Variants in TANC1 observed in about 807,000 individuals in gnomAD.
TANC1 encodes the protein protein TANC1.
TANC1 carries 77 observed loss-of-function variants against 149.7 expected under a neutral mutation model. The ratio of observed to expected loss-of-function variants is 0.51; its 90% CI spans 0.43 to 0.62. The LOEUF is 0.62. Among genes scored for constraint, TANC1 ranks in the 20% least tolerant of loss-of-function variants. The probability of loss-of-function intolerance (pLI) is 0.00; values close to 1 mark genes in which losing one functional copy is unlikely to be tolerated. For missense variants in TANC1, 1,985 were observed against 2,321.8 expected (o/e 0.85, Z 2.98); for synonymous variants, 854 against 925.0 (o/e 0.92, Z 1.39).
At chr2:159,043,143 C>G (rs1413343875) in intron 2 of TANC1, among the ~76,000 whole-genome samples, 1 of 152,160 alleles carries the variant, frequency 6.6e-6, no homozygotes, top group Non-Finnish European at 1.5e-5. Flanking sequence ...CTGGGCTTGA[C>G]AGTATGTCCA....
intron 4 of TANC1, among the ~76,000 whole-genome samples, chr2:159,105,866 T>C (rs7568560): frequency 0.17 from 25,674 of 152,138 alleles, 2,290 homozygotes; most frequent in Middle Eastern, 0.24. Flanking sequence ...CTTTTTCTTT[T>C]GGAAATTCTT....
intron 25 of TANC1, 42 bp downstream of exon 25, chr2:159,228,007 A>G: frequency 6.3e-7 from 1 of 1,596,132 alleles, no homozygotes; most frequent in Non-Finnish European, 8.5e-7. Context: ...TTCCAGCAAC[A>G]GAGCCCTTCT....
At chr2:159,192,482 T>C (rs897357060) in intron 16 of TANC1, among the ~76,000 whole-genome samples, 3 of 152,140 alleles carry the variant, frequency 2.0e-5, no homozygotes, top group African/African-American at 7.2e-5. Context: ...AAAATGAATT[T>C]CCTGGTTTTG....
intron 4 of TANC1, among the ~76,000 whole-genome samples, chr2:159,110,477 T>G (rs756133920): frequency 1.3e-4 from 20 of 152,208 alleles, no homozygotes; most frequent in Non-Finnish European, 2.5e-4. Flanking sequence ...TGTTTGGTTT[T>G]GTTTCTTTAA....
chr2:159,166,944 C>G (rs1575059719), intron 8 of TANC1, among the ~76,000 whole-genome samples: 2 of 152,268 alleles, frequency 1.3e-5, no homozygotes, highest in African/African-American at 2.4e-5. Flanking sequence ...ATTTTGGTGC[C>G]GAAGCTCTAG....
rs892165790 is a variant in TANC1, at chr2:159,224,617, C to A, written c.3811+253C>A. On this transcript the variant is annotated intron_variant, in intron 23 of 26. Transcript: ENST00000263635. ...TGGAGTGGTATCAGTGGCCAGGAAC[C>A]ACGCCAGAGAGGAACCACAGCCTCT... 3.0e-5 allele frequency: 13 copies of A among 436,884 alleles called. No individual in the cohort carries two copies. The East Asian group carries it at 5.0e-4, about 17-fold the overall frequency. The allele number at this position is 436,884 out of a possible 1,614,324, so 27.1% of individuals were successfully genotyped here.
chr2:159,112,949 T>TA (rs1266743133), intron 4 of TANC1, among the ~76,000 whole-genome samples: 2 of 152,054 alleles, frequency 1.3e-5, no homozygotes. Context: ...TGGCATTTTT[T>TA]AAAAAAATTT....
At chr2:159,211,231 G>A (rs2058962159) in intron 19 of TANC1, among the ~76,000 whole-genome samples, 1 of 152,222 alleles carries the variant, frequency 6.6e-6, no homozygotes, top group Non-Finnish European at 1.5e-5. Flanking sequence ...TCTCAAGACA[G>A]GACAGTGTTG....
intron 1 of TANC1, among the ~76,000 whole-genome samples, chr2:158,999,825 G>A (rs983772668): frequency 2.6e-5 from 4 of 152,126 alleles, no homozygotes; most frequent in African/African-American, 4.8e-5. Flanking sequence ...ACTTTGATTC[G>A]CAATGGACAA....
At chr2:159,050,958 CAAG>C (rs2041421705) in intron 2 of TANC1, among the ~76,000 whole-genome samples, 1 of 152,126 alleles carries the variant, frequency 6.6e-6, no homozygotes, top group South Asian at 2.1e-4. Context: ...TGCATAAAAA[CAAG>C]AATCAGATAT....
intron 2 of TANC1, among the ~76,000 whole-genome samples, chr2:159,027,414 A>T (rs903261485): frequency 6.6e-6 from 1 of 152,220 alleles, no homozygotes; most frequent in African/African-American, 2.4e-5. Context: ...TGTGACAAGG[A>T]TGGCCTTTAC....
intron 5 of TANC1, among the ~76,000 whole-genome samples, chr2:159,143,394 G>C (rs2051654870): frequency 6.6e-6 from 1 of 151,888 alleles, no homozygotes; most frequent in Non-Finnish European, 1.5e-5. Flanking sequence ...GGATCTTACT[G>C]TAACAGTACA....
intron 22 of TANC1, among the ~76,000 whole-genome samples, chr2:159,220,376 C>G (rs1245251103): frequency 6.6e-6 from 1 of 150,892 alleles, no homozygotes; most frequent in Non-Finnish European, 1.5e-5. Flanking sequence ...GGTGCGATCT[C>G]GGCTCACTGC....
At chr2:159,017,070 A>G (rs1393420473) in intron 2 of TANC1, among the ~76,000 whole-genome samples, 1 of 152,130 alleles carries the variant, frequency 6.6e-6, no homozygotes, top group African/African-American at 2.4e-5. Flanking sequence ...TTTGATGTAC[A>G]CATTGTTTTT....
intron 19 of TANC1, among the ~76,000 whole-genome samples, chr2:159,204,144 A>G (rs1381759532): frequency 1.3e-5 from 2 of 152,252 alleles, no homozygotes; most frequent in African/African-American, 4.8e-5. Flanking sequence ...CAGTGCAGGT[A>G]TAGCCTGGTC....
intron 2 of TANC1, among the ~76,000 whole-genome samples, chr2:159,044,838 T>C (rs2040919352): frequency 6.6e-6 from 1 of 152,246 alleles, no homozygotes; most frequent in South Asian, 2.1e-4. Flanking sequence ...GATGTGCCCA[T>C]GTACTCTGCC....
intron 1 of TANC1, among the ~76,000 whole-genome samples, chr2:158,984,777 G>T (rs77468890): frequency 4.6e-5 from 7 of 152,108 alleles, no homozygotes; most frequent in Non-Finnish European, 1.0e-4. Context: ...AGGGTGAGAG[G>T]CTTTCTAGAG....
intron 2 of TANC1, among the ~76,000 whole-genome samples, chr2:159,062,973 C>CAAAAAAAAAAAAAAAAAAAAAAAAAAAA (rs58675911): frequency 2.7e-4 from 11 of 41,206 alleles, no homozygotes; most frequent in Non-Finnish European, 4.3e-4. Context: ...GACTCCGTCT[C>CAAAAAAAAAAAAAAAAAAAAAAAAAAAA]AAAAAAAAAA....
chr2:159,189,675 C>G (rs2057294017), intron 16 of TANC1, among the ~76,000 whole-genome samples: 1 of 152,056 alleles, frequency 6.6e-6, no homozygotes, highest in Non-Finnish European at 1.5e-5. Flanking sequence ...TTTCCAAAAT[C>G]ACACAGCTGG....
Sources: allele counts gnomAD v4.1 joint callset (sites outside exome capture counted in the v4.1 genomes callset), GRCh38; gene constraint gnomAD v4.1.1; transcripts MANE v1.5; gene names NCBI Gene and HGNC (gene_info 2026-07-23, HGNC 2026-07-21).